PHLPP1: variants seen among roughly 807,000 people sequenced by gnomAD.
PHLPP1 encodes the protein PH domain leucine-rich repeat-containing protein phosphatase 1.
PHLPP1 carries 42 observed loss-of-function variants against 117.2 expected under a neutral mutation model. That is an observed-to-expected ratio of 0.36 (90% CI 0.28 to 0.46). The LOEUF (loss-of-function observed/expected upper bound fraction) is 0.46, where lower values mean the gene tolerates loss of function less well. Among genes scored for constraint, PHLPP1 ranks in the 20% least tolerant of loss-of-function variants. The probability of loss-of-function intolerance (pLI) is 1.00; values close to 1 mark genes in which losing one functional copy is unlikely to be tolerated. For missense variants in PHLPP1, 2,084 were observed against 2,241.9 expected (o/e 0.93, Z 1.42); for synonymous variants, 1,042 against 970.7 (o/e 1.07, Z -1.37).
intron 2 of PHLPP1, among the ~76,000 whole-genome samples, chr18:62,830,955 T>G (rs1346523718): frequency 6.6e-6 from 1 of 152,202 alleles, no homozygotes; most frequent in African/African-American, 2.4e-5. Context: ...CATTTTCCCC[T>G]ATCTGTGTTT....
At chr18:62,766,300 T>C (rs373043711) in intron 1 of PHLPP1, among the ~76,000 whole-genome samples, 34 of 150,804 alleles carry the variant, frequency 2.3e-4, no homozygotes, top group African/African-American at 8.3e-4. Context: ...TTTCTTCTGG[T>C]TTCGTGTTTG....
At chr18:62,748,790 G>A (rs1911754704) in intron 1 of PHLPP1, among the ~76,000 whole-genome samples, 2 of 151,912 alleles carry the variant, frequency 1.3e-5, no homozygotes, top group Admixed American at 6.6e-5. Flanking sequence ...GAGAATCTAT[G>A]GATTCAATCT....
chr18:62,762,199 C>A lies in PHLPP1; in HGVS notation c.1576+44940C>A, dbSNP rs935009556. Among the ~76,000 whole-genome samples, 10 of 151,714 alleles carry A rather than the reference C, an allele frequency of 6.6e-5. No homozygotes were observed. The South Asian group carries it at 8.3e-4, about 13-fold the overall frequency. On this transcript the variant is annotated intron_variant, in intron 1 of 16. Coordinates refer to ENST00000262719, the MANE Select transcript of PHLPP1 (RefSeq NM_194449.4). ...GCTATGGTTTTGATGTACTTTGTAT[C>A]TAGTTCAGGTCGTCACTCATCTGTA...
chr18:62,874,077 G>A (rs1226202832), intron 4 of PHLPP1, among the ~76,000 whole-genome samples: 2 of 151,386 alleles, frequency 1.3e-5, no homozygotes, highest in African/African-American at 2.4e-5. Flanking sequence ...CCAGCTACTC[G>A]TGAGGCTGAG....
intron 12 of PHLPP1, among the ~76,000 whole-genome samples, chr18:62,957,696 C>A (rs1210105511): frequency 1.3e-5 from 2 of 151,358 alleles, no homozygotes; most frequent in Admixed American, 6.6e-5. Context: ...GTCTCTGCAA[C>A]CTGCACCTCC....
intron 4 of PHLPP1, among the ~76,000 whole-genome samples, chr18:62,870,347 C>A (rs1042275085): frequency 6.6e-6 from 1 of 152,000 alleles, no homozygotes; most frequent in Non-Finnish European, 1.5e-5. Flanking sequence ...ATATTTAATA[C>A]CAGGAATTAA....
Position 62,958,798 on chromosome 18 carries a change from C to CA in PHLPP1, c.3455+40dup, listed in dbSNP as rs771048390. Reference sequence around the variant, plus strand: ...AAAGCACTGTATCCCCATCATTGTCCACTGGCAATGGGATTCATATCTTAG... The same window carrying CA: ...AAAGCACTGTATCCCCATCATTGTCCAACTGGCAATGGGATTCATATCTTAG... On this transcript the variant is annotated intron_variant, in intron 13 of 16. Transcript: ENST00000262719. 4 of 1,604,738 alleles carry CA rather than the reference C, an allele frequency of 2.5e-6. No individual in the cohort carries two copies. In the Admixed American group the frequency reaches 6.7e-5, roughly 27 times the overall value.
chr18:62,744,219 G>T (rs981801492), intron 1 of PHLPP1, among the ~76,000 whole-genome samples: 3 of 152,346 alleles, frequency 2.0e-5, no homozygotes, highest in South Asian at 4.1e-4. Context: ...GAGTGGTGGG[G>T]CTCCTTCAGA....
intron 1 of PHLPP1, among the ~76,000 whole-genome samples, chr18:62,764,343 C>A (rs1281820699): frequency 6.6e-6 from 1 of 152,132 alleles, no homozygotes; most frequent in Non-Finnish European, 1.5e-5. Context: ...TCTGCCTCTT[C>A]CTTATTATGG....
intron 13 of PHLPP1, among the ~76,000 whole-genome samples, chr18:62,959,800 T>C (rs1388591918): frequency 6.6e-6 from 1 of 152,214 alleles, no homozygotes; most frequent in Non-Finnish European, 1.5e-5. Context: ...CTGGATAGAA[T>C]TGGCCTAATT....
At chr18:62,757,845 A>G (rs1023452971) in intron 1 of PHLPP1, among the ~76,000 whole-genome samples, 3 of 152,090 alleles carry the variant, frequency 2.0e-5, no homozygotes, top group Non-Finnish European at 4.4e-5. Context: ...ACCTGTGAAT[A>G]TTTCCTGCAA....
intron 1 of PHLPP1, among the ~76,000 whole-genome samples, chr18:62,829,291 C>T (rs1249130218): frequency 6.6e-6 from 1 of 152,130 alleles, no homozygotes; most frequent in East Asian, 1.9e-4. Flanking sequence ...AAAAACTCTG[C>T]AGTTAATTTT....
intron 3 of PHLPP1, among the ~76,000 whole-genome samples, chr18:62,855,325 T>C (rs1029300807): frequency 6.6e-6 from 1 of 152,234 alleles, no homozygotes; most frequent in East Asian, 1.9e-4. Flanking sequence ...TAATAGCTGC[T>C]GTGTAGGTGG....
intron 2 of PHLPP1, among the ~76,000 whole-genome samples, chr18:62,835,209 CTT>C (rs564281869): frequency 7.1e-6 from 1 of 141,366 alleles, no homozygotes; most frequent in Admixed American, 7.1e-5. Flanking sequence ...TTTTTTTTTC[CTT>C]TTTTTTTTTG....
At chr18:62,860,079 T>C (rs1915594700) in intron 3 of PHLPP1, among the ~76,000 whole-genome samples, 1 of 152,206 alleles carries the variant, frequency 6.6e-6, no homozygotes, top group African/African-American at 2.4e-5. Flanking sequence ...TACAAACCTG[T>C]GTAGCATGTT....
intron 4 of PHLPP1, among the ~76,000 whole-genome samples, chr18:62,890,029 T>C (rs528353139): frequency 9.9e-5 from 15 of 152,230 alleles, no homozygotes; most frequent in African/African-American, 3.6e-4. Flanking sequence ...CCCCGACTCC[T>C]TGTTCTGTAG....
intron 1 of PHLPP1, among the ~76,000 whole-genome samples, chr18:62,762,876 T>C (rs1021905568): frequency 5.3e-5 from 8 of 152,260 alleles, no homozygotes; most frequent in Non-Finnish European, 8.8e-5. Flanking sequence ...ATATAATTCA[T>C]TTTAAAATAT....
Position 62,979,218 on chromosome 18 carries a change from G to A in PHLPP1, c.4941G>A (p.Lys1647=), listed in dbSNP as rs1051202328. The change falls in exon 17 of 17, where the codon AAG becomes AAA. Residue 1647 remains lysine (K), a synonymous_variant. Coordinates refer to ENST00000262719, the MANE Select transcript of PHLPP1 (RefSeq NM_194449.4). ...TGGCTACAGACGCACCTCTTCGAAAGCCTGGAGGCTATTTTGCTGCCCCGG... is the reference window on the plus strand; with the variant it reads ...TGGCTACAGACGCACCTCTTCGAAAACCTGGAGGCTATTTTGCTGCCCCGG... The part of the protein sequence containing the change: ...IEVATDAPLR[K]PGGYFAAPAQ... 1.2e-6 allele frequency: 2 copies of A among 1,609,724 alleles called. No homozygotes were observed. Among genetic ancestry groups the A allele is most frequent in the Non-Finnish European group, 1.7e-6 (2 of 1,178,084 alleles).
intron 12 of PHLPP1, among the ~76,000 whole-genome samples, chr18:62,957,125 C>G (rs1910632060): frequency 6.6e-6 from 1 of 152,220 alleles, no homozygotes; most frequent in African/African-American, 2.4e-5. Context: ...TGAATGCTCT[C>G]CACCCCATAC....
Sources: allele counts gnomAD v4.1 joint callset (sites outside exome capture counted in the v4.1 genomes callset), GRCh38; gene constraint gnomAD v4.1.1; transcripts MANE v1.5; gene names NCBI Gene and HGNC (gene_info 2026-07-23, HGNC 2026-07-21).